HACD3: variants seen among roughly 807,000 people sequenced by gnomAD.
HACD3 encodes very-long-chain (3R)-3-hydroxyacyl-CoA dehydratase 3.
A neutral mutation model predicts 55.2 loss-of-function variants in HACD3; 30 were observed. That is an observed-to-expected ratio of 0.54 (90% CI 0.41 to 0.74). The LOEUF (loss-of-function observed/expected upper bound fraction) is 0.74, where lower values mean the gene tolerates loss of function less well. HACD3 is among the 30% of genes least tolerant of loss of function. The pLI is 0.00. For synonymous variants in HACD3, 141 were observed against 151.7 expected, an observed-to-expected ratio of 0.93 and a Z score of 0.52; for missense variants, 363 against 440.1, an observed-to-expected ratio of 0.82 and a Z score of 1.57.
rs1026558170 is a variant in HACD3, at chr15:65,577,642, A to G, written c.*1263A>G. 2.6e-5 allele frequency: 4 copies of G among 152,198 alleles called. No individual in the cohort carries two copies. Among genetic ancestry groups the G allele is most frequent in the African/African-American group, 4.8e-5 (2 of 41,418 alleles). 9.4% of individuals were successfully genotyped at this position (152,198 alleles called of 1,614,324 possible). ...AAAATGGCAGCCTTCCATCTCCTGC[A>G]CTGGCTGAGTCCATTTACTTGTGTA... On this transcript the variant is annotated 3_prime_UTR_variant, in exon 11 of 11. Coordinates refer to ENST00000261875, the MANE Select transcript of HACD3 (RefSeq NM_016395.4).
intron 6 of HACD3, 28 bp from the exon 7 acceptor site, chr15:65,564,187 C>A: frequency 6.2e-7 from 1 of 1,604,418 alleles, no homozygotes. Flanking sequence ...CCAACTGATT[C>A]ACCCTTAATG....
intron 1 of HACD3, among the ~76,000 whole-genome samples, chr15:65,536,717 C>T (rs893281273): frequency 1.3e-5 from 2 of 152,266 alleles, no homozygotes; most frequent in Admixed American, 1.3e-4. Flanking sequence ...GATCACGCCA[C>T]CGCACTCCAG....
chr15:65,536,892 A>C (rs1215391947), intron 1 of HACD3, among the ~76,000 whole-genome samples: 1 of 152,242 alleles, frequency 6.6e-6, no homozygotes, highest in African/African-American at 2.4e-5. Flanking sequence ...GCTGAAAGCT[A>C]GGCCTCTTGC....
intron 2 of HACD3, among the ~76,000 whole-genome samples, chr15:65,554,474 A>G (rs1404829401): frequency 3.9e-5 from 6 of 152,200 alleles, no homozygotes; most frequent in Non-Finnish European, 8.8e-5. Flanking sequence ...CCTTTTGGCT[A>G]CAATCAAGTA....
rs754049796 is a variant in HACD3, at chr15:65,530,712, C to T, written c.81C>T (p.Asp27=). 8 of 1,563,434 alleles carry T rather than the reference C, an allele frequency of 5.1e-6. 1 individual carries two copies. In the South Asian group the frequency reaches 5.9e-5, roughly 12 times the overall value. The change falls in exon 1 of 11, where the codon GAC becomes GAT. Residue 27 remains aspartate, a synonymous_variant. Transcript: ENST00000261875. ...RELYLRVELS[D]VQNPAISITE... ...TATATCTGCGCGTGGAGCTGAGTGACGTACAGGTAAAGGCCGGGTCGGGCG... is the reference window on the plus strand; with the variant it reads ...TATATCTGCGCGTGGAGCTGAGTGATGTACAGGTAAAGGCCGGGTCGGGCG...
intron 1 of HACD3, among the ~76,000 whole-genome samples, chr15:65,543,073 T>TAA (rs550281162): frequency 7.0e-5 from 8 of 113,932 alleles, no homozygotes; most frequent in South Asian, 2.7e-4. Context: ...TCTGTCTCTC[T>TAA]AAAAAAAAAA....
At chr15:65,542,176 C>T (rs1162436229) in intron 1 of HACD3, among the ~76,000 whole-genome samples, 3 of 134,748 alleles carry the variant, frequency 2.2e-5, no homozygotes, top group African/African-American at 8.6e-5. Flanking sequence ...TTGCAGTGAG[C>T]TGAGATCATG....
rs2072432212 is a variant in HACD3 at position 65,578,314 on chromosome 15, GA to G, written c.*1936del. The G allele has an allele frequency of 1.3e-5, 2 of 152,314 alleles. No homozygotes were observed. The highest frequency in any genetic ancestry group is 4.1e-4 in the South Asian group (2 of 4,824). 9.4% of individuals were successfully genotyped at this position (152,314 alleles called of 1,614,324 possible). A position where few individuals can be genotyped will look rare whatever the true frequency, so the allele number is the denominator to read the frequency against. On this transcript the variant is annotated 3_prime_UTR_variant, in exon 11 of 11. Coordinates refer to ENST00000261875, the MANE Select transcript of HACD3 (RefSeq NM_016395.4). ...TTTATTGCTGTCTGAGAAAGTGAAA[GA>G]TTGTGTATTTCTATTAAAACATTTA...
chr15:65,548,847 T>C (rs939848513), intron 1 of HACD3, among the ~76,000 whole-genome samples: 2 of 152,170 alleles, frequency 1.3e-5, no homozygotes, highest in African/African-American at 2.4e-5. Context: ...ATTATAGGCA[T>C]GAGCTACCTT....
chr15:65,530,911 C>T (rs1054523405), intron 1 of HACD3, 193 bp downstream of exon 1: 45 of 560,602 alleles, frequency 8.0e-5, no homozygotes, highest in Non-Finnish European at 1.2e-4. Flanking sequence ...GGGCACAACC[C>T]CCCGAGGGCT....
intron 7 of HACD3, among the ~76,000 whole-genome samples, chr15:65,569,092 G>GA (rs1331372721): frequency 1.3e-5 from 2 of 151,600 alleles, no homozygotes; most frequent in African/African-American, 2.4e-5. Context: ...CTAAAAAATA[G>GA]AAAAAATTAG....
chr15:65,533,799 C>G (rs2071926987), intron 1 of HACD3, among the ~76,000 whole-genome samples: 2 of 150,888 alleles, frequency 1.3e-5, no homozygotes, highest in African/African-American at 4.9e-5. Flanking sequence ...TGCCTGTAAT[C>G]CCAGCACTAT....
intron 4 of HACD3, among the ~76,000 whole-genome samples, chr15:65,557,659 C>T (rs2072206732): frequency 6.6e-6 from 1 of 152,004 alleles, no homozygotes; most frequent in African/African-American, 2.4e-5. Flanking sequence ...TGCTTCCTGT[C>T]CTTTAGATGG....
intron 1 of HACD3, among the ~76,000 whole-genome samples, chr15:65,543,054 C>T (rs554463323): frequency 6.8e-6 from 1 of 147,874 alleles, no homozygotes; most frequent in African/African-American, 2.5e-5. Context: ...AGCCTGGCGA[C>T]AGTGGGACTC....
At chr15:65,563,940 A>AG (rs1272535191) in intron 6 of HACD3, among the ~76,000 whole-genome samples, 1 of 151,992 alleles carries the variant, frequency 6.6e-6, no homozygotes, top group African/African-American at 2.4e-5. Context: ...ACTGCACTGC[A>AG]GCCTGGTGAC....
chr15:65,539,738 G>A (rs2072000875), intron 1 of HACD3, among the ~76,000 whole-genome samples: 2 of 152,194 alleles, frequency 1.3e-5, no homozygotes, highest in Non-Finnish European at 1.5e-5. Flanking sequence ...TGGATAAATT[G>A]TGGTATATTT....
chr15:65,540,865 A>G (rs1164034625), intron 1 of HACD3, among the ~76,000 whole-genome samples: 1 of 152,228 alleles, frequency 6.6e-6, no homozygotes, highest in Non-Finnish European at 1.5e-5. Flanking sequence ...AGGCTGTTAT[A>G]GTAGTATGGG....
chr15:65,571,298 A>G (rs1214882331), intron 8 of HACD3, among the ~76,000 whole-genome samples: 1 of 152,194 alleles, frequency 6.6e-6, no homozygotes, highest in African/African-American at 2.4e-5. Context: ...CTGAGTATCC[A>G]GTCCGTTTAC....
At chr15:65,557,429 C>G (rs1405267622) in intron 4 of HACD3, among the ~76,000 whole-genome samples, 1 of 150,544 alleles carries the variant, frequency 6.6e-6, no homozygotes, top group Non-Finnish European at 1.5e-5. Flanking sequence ...GAGCCGAGAT[C>G]ACGCCACTGC....
Sources: gnomAD v4.1 joint callset for allele counts (sites outside exome capture counted in the v4.1 genomes callset) on GRCh38, gnomAD v4.1.1 for gene constraint, MANE v1.5 for transcripts, NCBI Gene and HGNC (gene_info 2026-07-23, HGNC 2026-07-21) for gene names.